The following NTN1 variants were observed in gnomAD, a reference collection of about 807,000 sequenced individuals.
NTN1 encodes netrin 1.
A neutral mutation model predicts 54.2 loss-of-function variants in NTN1; 11 were observed. That is an observed-to-expected ratio of 0.20 (90% CI 0.13 to 0.34). NTN1 has a LOEUF of 0.34. NTN1 is among the 10% of genes least tolerant of loss of function. NTN1 has a pLI of 1.00. For synonymous variants in NTN1, 371 were observed against 382.0 expected (o/e 0.97, Z 0.33); for missense variants, 740 against 893.1 (o/e 0.83, Z 2.18).
At chr17:9,199,599 G>C (rs1458935633) in intron 5 of NTN1, among the ~76,000 whole-genome samples, 2 of 152,276 alleles carry the variant, frequency 1.3e-5, no homozygotes, top group African/African-American at 2.4e-5. Context: ...CACAGTCAGG[G>C]AAAGAGAACA....
chr17:9,007,331 T>A, the NTN1 span, among the ~76,000 whole-genome samples: 1 of 143,458 alleles, frequency 7.0e-6, no homozygotes, highest in African/African-American at 2.6e-5. Flanking sequence ...TCTTTCTTCC[T>A]TTTTTCTTTC....
At chr17:9,106,467 CCCTTCCTT>C (rs200226901) in intron 2 of NTN1, among the ~76,000 whole-genome samples, 4,857 of 119,864 alleles carry the variant, frequency 0.041, 159 homozygotes, top group African/African-American at 0.081. Context: ...CTTCCTTCCT[CCCTTCCTT>C]CCTTCCTTCC....
chr17:9,205,675 G>T (rs1186078180), intron 5 of NTN1, among the ~76,000 whole-genome samples: 1 of 152,158 alleles, frequency 6.6e-6, no homozygotes, highest in Admixed American at 6.5e-5. Context: ...GGAGGTTAAG[G>T]GTCAGTACTC....
At chr17:9,044,097 T>A (rs1256758732) in intron 2 of NTN1, among the ~76,000 whole-genome samples, 2 of 152,178 alleles carry the variant, frequency 1.3e-5, no homozygotes, top group Non-Finnish European at 2.9e-5. Context: ...GTCACTGTTT[T>A]TACAATGACT....
At chr17:9,195,054 C>T (rs565579295) in intron 5 of NTN1, among the ~76,000 whole-genome samples, 2 of 152,130 alleles carry the variant, frequency 1.3e-5, no homozygotes, top group African/African-American at 4.8e-5. Flanking sequence ...ACCCCCTACC[C>T]CCACCTTCCT....
chr17:9,227,837 C>A (rs534906170), intron 6 of NTN1, among the ~76,000 whole-genome samples: 6 of 151,092 alleles, frequency 4.0e-5, no homozygotes, highest in Non-Finnish European at 7.4e-5. Flanking sequence ...ACATACCACA[C>A]GCATTATCGC....
intron 3 of NTN1, among the ~76,000 whole-genome samples, chr17:9,170,396 T>C (rs2142306451): frequency 6.6e-6 from 1 of 152,284 alleles, no homozygotes; most frequent in African/African-American, 2.4e-5. Context: ...GACACTTTCT[T>C]TGACCCTCTG....
chr17:9,086,335 CATCTCTAAAAATA>C (rs2092089913), intron 2 of NTN1, among the ~76,000 whole-genome samples: 1 of 152,128 alleles, frequency 6.6e-6, no homozygotes, highest in Non-Finnish European at 1.5e-5. Flanking sequence ...GTGAGACCCT[CATCTCTAAAAATA>C]AAAATAAAAC....
chr17:9,102,683 G>T (rs1567711003), intron 2 of NTN1, among the ~76,000 whole-genome samples: 1 of 152,176 alleles, frequency 6.6e-6, no homozygotes, highest in African/African-American at 2.4e-5. Context: ...GATGTTCATT[G>T]TAACACTCCT....
At chr17:9,231,295 C>G (rs998685963) in intron 6 of NTN1, among the ~76,000 whole-genome samples, 14 of 145,520 alleles carry the variant, frequency 9.6e-5, no homozygotes, top group Middle Eastern at 3.5e-3. Context: ...ATGGGGTACC[C>G]GGGGGGGGAC....
At chr17:9,217,344 A>G (rs1905237449) in intron 5 of NTN1, among the ~76,000 whole-genome samples, 1 of 152,222 alleles carries the variant, frequency 6.6e-6, no homozygotes, top group Non-Finnish European at 1.5e-5. Context: ...TTGGGTCATC[A>G]TCAGTTTCGT....
intron 5 of NTN1, among the ~76,000 whole-genome samples, chr17:9,202,055 CAAAAAAAAAAAAAAAA>C (rs773720564): frequency 1.2e-3 from 59 of 48,328 alleles, no homozygotes; most frequent in African/African-American, 4.9e-3. Context: ...CACACACACA[CAAAAAAAAAAAAAAAA>C]AAAAAAAAAA....
chr17:9,003,821 TCA>T, the NTN1 span, among the ~76,000 whole-genome samples: 8 of 152,054 alleles, frequency 5.3e-5, no homozygotes, highest in South Asian at 6.2e-4. This position sits in a 1 kb window ranked among gnomAD's most constrained non-coding sequence, Gnocchi z 7.4. Flanking sequence ...AGAAAGGCTT[TCA>T]CAGACAGAAA....
At chr17:9,215,285 A>ACACACACACACACACACG (rs1555577280) in intron 5 of NTN1, among the ~76,000 whole-genome samples, 2 of 151,336 alleles carry the variant, frequency 1.3e-5, no homozygotes. Context: ...ACACACACAC[A>ACACACACACACACACACG]CACATACACA....
chr17:9,010,585 A>T, the NTN1 span, among the ~76,000 whole-genome samples: 2 of 152,238 alleles, frequency 1.3e-5, no homozygotes, highest in Non-Finnish European at 2.9e-5. Context: ...GATTTGAAGA[A>T]GACTCTTAAT....
chr17:9,064,087 A>G (rs1422050081), intron 2 of NTN1, among the ~76,000 whole-genome samples: 4 of 152,202 alleles, frequency 2.6e-5, no homozygotes, highest in African/African-American at 9.6e-5. Context: ...CCTTGGAGGA[A>G]CAGGAAAGGG....
intron 5 of NTN1, among the ~76,000 whole-genome samples, chr17:9,184,639 T>C (rs1411999966): frequency 6.6e-6 from 1 of 152,212 alleles, no homozygotes; most frequent in East Asian, 1.9e-4. Flanking sequence ...CAGACCTCAA[T>C]GATCTATCTC....
rs1334292586 is a variant in NTN1, at chr17:9,234,622, CAGCAGAGCCCTGCCCTG to C, written c.1487-5007_1487-4991del. 6.5e-4 allele frequency among the ~76,000 whole-genome samples: 99 copies of C among 152,364 alleles called. 1 individual carries two copies. The highest frequency in any genetic ancestry group is 5.0e-4 in the Non-Finnish European group (34 of 68,030). The stretch of plus-strand genomic sequence containing the variant: ...CGAACCCTGGTTTTGTCTGCACTGA[CAGCAGAGCCCTGCCCTG>C]AGCAGAGCCCCCTGGGAAGAGCGTA... On this transcript the variant is annotated intron_variant, in intron 6 of 6. Coordinates refer to ENST00000173229, the MANE Select transcript of NTN1 (RefSeq NM_004822.3).
At chr17:9,116,535 C>T (rs1050921979) in intron 2 of NTN1, among the ~76,000 whole-genome samples, 3 of 152,208 alleles carry the variant, frequency 2.0e-5, no homozygotes, top group African/African-American at 7.2e-5. Context: ...CTGATTTCCC[C>T]TTATTTCACT....
Sources: allele counts gnomAD v4.1 joint callset (sites outside exome capture counted in the v4.1 genomes callset), GRCh38; gene constraint gnomAD v4.1.1; non-coding constraint Gnocchi (gnomAD v3.1); transcripts MANE v1.5; gene names NCBI Gene and HGNC (gene_info 2026-07-23, HGNC 2026-07-21).